Variants in TMEM230 observed in about 807,000 individuals in gnomAD.
TMEM230 encodes UPF0414 transmembrane protein C20orf30.
In TMEM230, 10 loss-of-function variants were observed where a neutral mutation model predicts 15.8. The observed-to-expected ratio is 0.63, with a 90% CI of 0.39 to 1.07. The LOEUF is 1.07. TMEM230 is among the 50% of genes least tolerant of loss of function. TMEM230 has a pLI of 0.01. For synonymous variants in TMEM230, 67 were observed against 76.9 expected (o/e 0.87, Z 0.68); for missense variants, 165 against 193.3 (o/e 0.85, Z 0.87).
At chr20:5,061,464 T>G in the TMEM230 span, 2 of 152,152 alleles carry the variant, frequency 1.3e-5, no homozygotes, top group Admixed American at 1.3e-4. Flanking sequence ...CATTCTCAGG[T>G]GATTCACCAC....
the TMEM230 span, among the ~76,000 whole-genome samples, chr20:5,062,107 A>C: frequency 6.6e-6 from 1 of 152,060 alleles, no homozygotes; most frequent in East Asian, 1.9e-4. Flanking sequence ...CTGTAATCCC[A>C]GCTACTCAGG....
At chr20:5,064,612 T>G (rs1448924648), downstream of TMEM230, among the ~76,000 whole-genome samples, 1 of 152,026 alleles carries the variant, frequency 6.6e-6, no homozygotes, top group Non-Finnish European at 1.5e-5. Context: ...TAAATTAAAT[T>G]TTCTACCTAG....
At chr20:5,062,461 A>G in the TMEM230 span, among the ~76,000 whole-genome samples, 1 of 152,082 alleles carries the variant, frequency 6.6e-6, no homozygotes, top group Non-Finnish European at 1.5e-5. Context: ...CTTTGTTTAA[A>G]TCAGTAGTCC....
At position 5,082,966 on chromosome 20, in the gene TMEM230, C is replaced by T. The variant is rs769474450; in HGVS notation, c.223-13617G>A. On this transcript the variant is annotated intron_variant, in intron 3 of 3. Transcript: ENST00000612323. ...TTTTCAGATGGAGTTTCACTCTTGT[C>T]GCCCAGGCTGTAGTGCAATGGCGCG... Among the ~76,000 whole-genome samples the T allele has an allele frequency of 7.0e-5, 10 of 143,388 alleles. No individual in the cohort carries two copies. The East Asian group carries it at 1.0e-3, about 15-fold the overall frequency. 94.1% of individuals were successfully genotyped at this position (143,388 alleles called of 152,430 possible).
chr20:5,112,827 G>A (rs2090380969), intron 1 of TMEM230, 134 bp downstream of exon 1: 4 of 1,526,666 alleles, frequency 2.6e-6, no homozygotes, highest in East Asian at 2.5e-5. Context: ...CTGGAAAGAG[G>A]CCAACTGTGC....
intron 4 of TMEM230, among the ~76,000 whole-genome samples, chr20:5,101,265 G>A (rs2089850336): frequency 6.6e-6 from 1 of 152,106 alleles, no homozygotes; most frequent in Non-Finnish European, 1.5e-5. Flanking sequence ...GTAAGGATGT[G>A]TAACATTCCA....
downstream of TMEM230, among the ~76,000 whole-genome samples, chr20:5,095,066 C>T (rs7262889): frequency 0.062 from 9,367 of 152,176 alleles, 771 homozygotes; most frequent in African/African-American, 0.19. Flanking sequence ...AAAAGCAGCG[C>T]GGTGGATGGT....
At chr20:5,065,255 A>C (rs1407009), downstream of TMEM230, among the ~76,000 whole-genome samples, 20,585 of 149,790 alleles carry the variant, frequency 0.14, 1,672 homozygotes, top group African/African-American at 0.23. Context: ...CCATCTCTCA[A>C]AAAAAAAAAG....
rs2089788050 is a variant in TMEM230 at position 5,099,958 on chromosome 20, A to G, written c.*833T>C. On this transcript the variant is annotated 3_prime_UTR_variant, in exon 5 of 5. Transcript: ENST00000342308. ...TAAAAAATAGAATCAAACTAAGGTG[A>G]TCTAGTCCTCTAGGCATCCAGGCTG... The G allele has an allele frequency of 4.1e-6, 4 of 985,338 alleles. No homozygotes were observed. The highest frequency in any genetic ancestry group is 4.7e-5 in the South Asian group (1 of 21,294). 61.0% of individuals were successfully genotyped at this position (985,338 alleles called of 1,614,324 possible).
At chr20:5,110,102 G>A (rs544513903) in intron 2 of TMEM230, among the ~76,000 whole-genome samples, 1 of 152,256 alleles carries the variant, frequency 6.6e-6, no homozygotes, top group East Asian at 1.9e-4. Flanking sequence ...TGTCACACAG[G>A]CTAGAGTGCA....
At chr20:5,108,579 G>C (rs2090185527) in intron 3 of TMEM230, among the ~76,000 whole-genome samples, 1 of 152,174 alleles carries the variant, frequency 6.6e-6, no homozygotes, top group Non-Finnish European at 1.5e-5. Context: ...CGTTGTATCT[G>C]ACCTAAGTGG....
chr20:5,106,066 C>T (rs1262242394), intron 4 of TMEM230, 122 bp downstream of exon 3: 6 of 1,395,006 alleles, frequency 4.3e-6, no homozygotes, highest in Non-Finnish European at 5.6e-6. Context: ...AAACAGACCA[C>T]TGGGACGGAC....
chr20:5,111,833 T>G, intron 1 of TMEM230: 2 of 964,926 alleles, frequency 2.1e-6, no homozygotes, highest in Non-Finnish European at 2.5e-6. Flanking sequence ...TAACAAATTG[T>G]TTTTCTTTTT....
intron 3 of TMEM230, among the ~76,000 whole-genome samples, chr20:5,088,916 G>T (rs2089432303): frequency 1.3e-5 from 2 of 152,226 alleles, no homozygotes; most frequent in Admixed American, 1.3e-4. Flanking sequence ...CTGAGTGTGG[G>T]TGGGAACTTA....
At chr20:5,072,059 G>GT (rs1489131267) in intron 3 of TMEM230, among the ~76,000 whole-genome samples, 1 of 150,046 alleles carries the variant, frequency 6.7e-6, no homozygotes, top group Non-Finnish European at 1.5e-5. Context: ...CCTTTTTTGA[G>GT]TTTTTGTTGA....
At chr20:5,082,429 A>G (rs1325006481) in intron 3 of TMEM230, among the ~76,000 whole-genome samples, 1 of 150,772 alleles carries the variant, frequency 6.6e-6, no homozygotes, top group African/African-American at 2.4e-5. Context: ...TTAGTTTTTT[A>G]AAAAATAACT....
chr20:5,112,985 C>T lies in TMEM230; in HGVS notation c.44G>A (p.Cys15Tyr). The change falls in exon 1 of 5, where the codon TGC becomes TAC. Residue 15 changes from cysteine (C) to tyrosine (Y), a missense_variant. Physicochemically the swap from Cys to Tyr is radical, Grantham distance 194 (BLOSUM62 -2). Transcript: ENST00000342308. ...CCGGAGCGCCGCGCCAGGCCGCCCG[C>T]ACACCCAGAGCTCGCCCACGGTTGG... 1 of 1,550,938 alleles carries T rather than the reference C, an allele frequency of 6.4e-7. No individual in the cohort carries two copies. Among genetic ancestry groups the T allele is most frequent in the Non-Finnish European group, 8.7e-7 (1 of 1,147,472 alleles).
chr20:5,095,328 G>A (rs1320798741), downstream of TMEM230, among the ~76,000 whole-genome samples: 1 of 152,110 alleles, frequency 6.6e-6, no homozygotes, highest in East Asian at 1.9e-4. Context: ...AACCTATCCT[G>A]CCTCTCACTG....
chr20:5,100,828 C>T lies in TMEM230; in HGVS notation c.515G>A (p.Gly172Asp), dbSNP rs17850836. ...GTCTGGAATGTCATCATAGGAGTAA[C>T]CACGGTAGCCTTTGGATGCATAGTA... Residue 172 changes from glycine (G) to aspartate (D), a missense_variant, in exon 5 of 5, where the codon GGT becomes GAT. Physicochemically the swap from Gly to Asp is moderately conservative, Grantham distance 94 (BLOSUM62 -1). Coordinates refer to ENST00000342308, the MANE Select transcript of TMEM230 (RefSeq NM_001009923.2). 6.2e-7 allele frequency: 1 copy of T among 1,614,054 alleles called. No homozygotes were observed. Among genetic ancestry groups the T allele is most frequent in the African/African-American group, 1.3e-5 (1 of 75,040 alleles).
Sources: gnomAD v4.1 joint callset for allele counts (sites outside exome capture counted in the v4.1 genomes callset) on GRCh38, gnomAD v4.1.1 for gene constraint, MANE v1.5 for transcripts, NCBI Gene and HGNC (gene_info 2026-07-23, HGNC 2026-07-21) for gene names.